The following TTBK2 variants were observed in gnomAD, a reference collection of about 807,000 sequenced individuals.
The protein encoded by TTBK2 is tau-tubulin kinase 2.
In TTBK2, 28 loss-of-function variants were observed where a neutral mutation model predicts 110.8. The observed-to-expected ratio is 0.25, with a 90% confidence interval of 0.19 to 0.35. The LOEUF is 0.35. Ranked by LOEUF, TTBK2 falls within the 10% of genes least tolerant of loss-of-function variation. The pLI, the probability that TTBK2 is intolerant of heterozygous loss-of-function variation, is 1.00. For missense variants in TTBK2, 1,369 were observed against 1,500.3 expected (o/e 0.91, Z 1.45); for synonymous variants, 532 against 527.3 (o/e 1.01, Z -0.12).
At chr15:42,858,579 C>T (rs530217975) in intron 3 of TTBK2, among the ~76,000 whole-genome samples, 1 of 152,150 alleles carries the variant, frequency 6.6e-6, no homozygotes, top group Admixed American at 6.6e-5. Context: ...AAGTGAGGAA[C>T]ATGGAAGCTG....
rs1225785018 is a variant in TTBK2 at position 42,763,143 on chromosome 15, CAT to C, written c.1999-9898_1999-9897del. 6.8e-3 allele frequency among the ~76,000 whole-genome samples: 346 copies of C among 51,152 alleles called. 7 individuals carry two copies. The highest frequency in any genetic ancestry group is 0.014 in the African/African-American group (126 of 9,254). The allele number at this position is 51,152 out of a possible 152,430, so 33.6% of individuals were successfully genotyped here. On this transcript the variant is annotated intron_variant, in intron 13 of 14. Coordinates refer to ENST00000267890, the MANE Select transcript of TTBK2 (RefSeq NM_173500.4). The stretch of plus-strand genomic sequence containing the variant: ...ACACATATATATACATATATACATA[CAT>C]ATATATATATACATATATATATATA...
At chr15:42,820,839 T>A in intron 6 of TTBK2, among the ~76,000 whole-genome samples, 1 of 146,456 alleles carries the variant, frequency 6.8e-6, no homozygotes, top group Non-Finnish European at 1.5e-5. Flanking sequence ...CCCCCGTCTC[T>A]AAAAAAAAAA....
At chr15:42,815,189 A>G (rs563410768) in intron 7 of TTBK2, among the ~76,000 whole-genome samples, 4 of 152,298 alleles carry the variant, frequency 2.6e-5, no homozygotes, top group East Asian at 1.9e-4. Flanking sequence ...GACAAAGTAA[A>G]TAAGTAAATG....
intron 11 of TTBK2, among the ~76,000 whole-genome samples, chr15:42,779,248 A>G (rs1189238560): frequency 6.6e-6 from 1 of 152,096 alleles, no homozygotes; most frequent in Non-Finnish European, 1.5e-5. Flanking sequence ...TAATAAAAAT[A>G]CACACAAAAA....
At chr15:42,799,077 A>T (rs1684219975) in intron 9 of TTBK2, among the ~76,000 whole-genome samples, 1 of 152,136 alleles carries the variant, frequency 6.6e-6, no homozygotes, top group Non-Finnish European at 1.5e-5. Context: ...AATCCTAAAA[A>T]ATCTGAAATC....
At chr15:42,791,993 TTA>T (rs750332805) in intron 10 of TTBK2, among the ~76,000 whole-genome samples, 1 of 152,098 alleles carries the variant, frequency 6.6e-6, no homozygotes, top group South Asian at 2.1e-4. Flanking sequence ...AATACACAAA[TTA>T]GCATGGTGGC....
At chr15:42,804,887 C>G (rs147903583) in intron 9 of TTBK2, among the ~76,000 whole-genome samples, 5 of 152,140 alleles carry the variant, frequency 3.3e-5, no homozygotes, top group Non-Finnish European at 5.9e-5. Context: ...CTGCTGTCAA[C>G]GAGAAGACTG....
chr15:42,815,387 T>C (rs1250726537), intron 7 of TTBK2, among the ~76,000 whole-genome samples: 2 of 152,162 alleles, frequency 1.3e-5, no homozygotes, highest in Admixed American at 1.3e-4. Context: ...TTGGTCAAGT[T>C]CTCATTTTGG....
chr15:42,856,192 T>G (rs184379409), intron 3 of TTBK2, among the ~76,000 whole-genome samples: 2 of 152,188 alleles, frequency 1.3e-5, no homozygotes, highest in Non-Finnish European at 2.9e-5. Context: ...AAACAATGAA[T>G]GTAGGTGATA....
intron 4 of TTBK2, among the ~76,000 whole-genome samples, chr15:42,833,939 A>G (rs1892882688): frequency 6.6e-6 from 1 of 151,980 alleles, no homozygotes; most frequent in Non-Finnish European, 1.5e-5. Context: ...TAAACCCGGG[A>G]GGTGGAGGTT....
intron 1 of TTBK2, among the ~76,000 whole-genome samples, chr15:42,912,935 C>T (rs1325931291): frequency 2.1e-5 from 3 of 145,998 alleles, no homozygotes; most frequent in East Asian, 2.1e-4. Flanking sequence ...ACCATCCTGG[C>T]TAACAAGGTG....
At chr15:42,837,187 G>A (rs974591582) in intron 4 of TTBK2, among the ~76,000 whole-genome samples, 3 of 150,144 alleles carry the variant, frequency 2.0e-5, no homozygotes, top group East Asian at 2.0e-4. Context: ...TGGTGAAACC[G>A]TCCCTACTAA....
intron 7 of TTBK2, among the ~76,000 whole-genome samples, chr15:42,815,958 A>AAAAAAAAATATATATATATATAT (rs71108183): frequency 2.2e-5 from 2 of 91,694 alleles, no homozygotes; most frequent in South Asian, 3.4e-4. Flanking sequence ...TTAAAAAAAA[A>AAAAAAAAATATATATATATATAT]ATATATATAT....
intron 3 of TTBK2, among the ~76,000 whole-genome samples, chr15:42,849,772 A>G (rs1465521165): frequency 1.3e-5 from 2 of 152,186 alleles, no homozygotes; most frequent in Non-Finnish European, 2.9e-5. Context: ...GGTCTATCCC[A>G]TAATTCAATT....
chr15:42,815,875 A>AATAT (rs1325792852), intron 7 of TTBK2, among the ~76,000 whole-genome samples: 1 of 111,844 alleles, frequency 8.9e-6, no homozygotes, highest in Non-Finnish European at 1.6e-5. Flanking sequence ...TATATATTTA[A>AATAT]ATATATATAT....
intron 1 of TTBK2, among the ~76,000 whole-genome samples, chr15:42,885,465 C>T (rs1333327264): frequency 6.6e-6 from 1 of 152,210 alleles, no homozygotes; most frequent in African/African-American, 2.4e-5. Flanking sequence ...AAAGGAGACA[C>T]ATTTTATCCG....
chr15:42,905,671 A>C (rs2030347343), intron 1 of TTBK2, among the ~76,000 whole-genome samples: 1 of 152,148 alleles, frequency 6.6e-6, no homozygotes, highest in South Asian at 2.1e-4. Context: ...CATAACACTA[A>C]AGTTTATTGT....
intron 6 of TTBK2, among the ~76,000 whole-genome samples, chr15:42,821,467 G>T (rs1892293653): frequency 6.6e-6 from 1 of 151,938 alleles, no homozygotes; most frequent in Non-Finnish European, 1.5e-5. Context: ...TATGAGTTTT[G>T]ACTGACATAA....
At chr15:42,813,111 C>T (rs1340150014) in intron 7 of TTBK2, among the ~76,000 whole-genome samples, 1 of 152,078 alleles carries the variant, frequency 6.6e-6, no homozygotes, top group Non-Finnish European at 1.5e-5. Flanking sequence ...AAGACATGAA[C>T]ATTTTGGTTA....
Sources: gnomAD v4.1 joint callset for allele counts (sites outside exome capture counted in the v4.1 genomes callset) on GRCh38, gnomAD v4.1.1 for gene constraint, MANE v1.5 for transcripts, NCBI Gene and HGNC (gene_info 2026-07-23, HGNC 2026-07-21) for gene names.